The following NT5C2 variants were observed in gnomAD, a reference collection of about 807,000 sequenced individuals.
The protein encoded by NT5C2 is 5'-nucleotidase, cytosolic II.
Under a neutral mutation model 76.1 loss-of-function variants are expected in NT5C2, and 58 were observed. The observed-to-expected ratio is 0.76, with a 90% confidence interval of 0.62 to 0.95. NT5C2 has a LOEUF of 0.95. Ranked by LOEUF, NT5C2 falls within the 40% of genes least tolerant of loss-of-function variation. The pLI is 0.00. For missense variants in NT5C2, 478 were observed against 690.3 expected, an observed-to-expected ratio of 0.69 and a Z score of 3.45; for synonymous variants, 229 against 237.4, an observed-to-expected ratio of 0.96 and a Z score of 0.32.
At chr10:103,189,655 T>A (rs528627596) in intron 1 of NT5C2, among the ~76,000 whole-genome samples, 3 of 151,892 alleles carry the variant, frequency 2.0e-5, no homozygotes, top group Non-Finnish European at 4.4e-5. Flanking sequence ...ATAATTTTTT[T>A]AACTTTTTTC....
chr10:103,110,095 C>T (rs2072553957), intron 4 of NT5C2, among the ~76,000 whole-genome samples: 2 of 152,198 alleles, frequency 1.3e-5, no homozygotes, highest in Non-Finnish European at 2.9e-5. Flanking sequence ...ATAGCAAGTA[C>T]AAACATCAGC....
chr10:103,142,268 G>A (rs1297481430), intron 3 of NT5C2, among the ~76,000 whole-genome samples: 1 of 152,146 alleles, frequency 6.6e-6, no homozygotes, highest in Admixed American at 6.5e-5. Flanking sequence ...AAATATCAGA[G>A]TTTAAGGAAA....
chr10:103,144,551 G>T (rs1171001528), intron 3 of NT5C2, among the ~76,000 whole-genome samples: 1 of 152,110 alleles, frequency 6.6e-6, no homozygotes, highest in Non-Finnish European at 1.5e-5. Flanking sequence ...TATTTTTAAG[G>T]ATTCAAAGAT....
chr10:103,137,096 A>G (rs2079440538), intron 4 of NT5C2, among the ~76,000 whole-genome samples: 1 of 152,228 alleles, frequency 6.6e-6, no homozygotes, highest in Non-Finnish European at 1.5e-5. Context: ...TAACCAAGGG[A>G]AAAATATTTG....
intron 3 of NT5C2, among the ~76,000 whole-genome samples, chr10:103,166,744 C>A (rs2086502387): frequency 6.6e-6 from 1 of 152,004 alleles, no homozygotes; most frequent in Admixed American, 6.6e-5. Flanking sequence ...CCTCAAACTC[C>A]CAAGTTCAAG....
chr10:103,089,993 T>C (rs1256487208), intron 18 of NT5C2, 85 bp from the exon 19 acceptor site: 4 of 1,076,362 alleles, frequency 3.7e-6, no homozygotes, highest in Non-Finnish European at 5.3e-6. Context: ...CTCTGTTAGG[T>C]GGCCATGCAA....
chr10:103,134,383 C>A (rs1013582264), intron 4 of NT5C2, among the ~76,000 whole-genome samples: 1 of 152,182 alleles, frequency 6.6e-6, no homozygotes, highest in Non-Finnish European at 1.5e-5. Context: ...TGAAAGGGGC[C>A]AATATAGAGC....
intron 1 of NT5C2, among the ~76,000 whole-genome samples, chr10:103,186,694 C>T (rs1291665711): frequency 6.6e-6 from 1 of 151,354 alleles, no homozygotes; most frequent in Non-Finnish European, 1.5e-5. Flanking sequence ...GCGGGCGGAT[C>T]ACAAGGTACA....
chr10:103,187,779 A>C (rs2092218961), intron 1 of NT5C2, among the ~76,000 whole-genome samples: 1 of 152,218 alleles, frequency 6.6e-6, no homozygotes, highest in African/African-American at 2.4e-5. Context: ...ACTAGATTCT[A>C]ATATGACTGC....
At chr10:103,134,853 C>G (rs973715834) in intron 4 of NT5C2, among the ~76,000 whole-genome samples, 1 of 152,226 alleles carries the variant, frequency 6.6e-6, no homozygotes, top group African/African-American at 2.4e-5. Context: ...ATCAGCAAGA[C>G]CTGGATGTGA....
rs2066240682 is a variant in NT5C2, at chr10:103,089,870, A to G, written c.1488T>C (p.Asp496=). 3 of 1,613,638 alleles carry G rather than the reference A, an allele frequency of 1.9e-6. No individual in the cohort carries two copies. Among genetic ancestry groups the G allele is most frequent in the Non-Finnish European group, 2.5e-6 (3 of 1,179,752 alleles). ...HESTVEHTHV[D]INEMESPLAT... ...CAAGAGGAGACTCCATCTCATTGATATCTACGTGTGTGTGCTCCACCGTTG... is the reference window on the plus strand; with the variant it reads ...CAAGAGGAGACTCCATCTCATTGATGTCTACGTGTGTGTGCTCCACCGTTG... Residue 496 remains aspartate, a synonymous_variant, in exon 19 of 19, where the codon GAT becomes GAC. Transcript: ENST00000404739.
In NT5C2 at chr10:103,088,919, G is replaced by C; in HGVS notation, c.*753C>G. ...GGCAGTTCTTCCCTTTCTTTTCTGG[G>C]GGCTTGTTCCTTTGTCCACTTGCAG... On this transcript the variant is annotated 3_prime_UTR_variant, in exon 19 of 19. Transcript: ENST00000404739. 4.7e-6 allele frequency: 1 copy of C among 212,710 alleles called. No homozygotes were observed. The highest frequency in any genetic ancestry group is 9.5e-6 in the Non-Finnish European group (1 of 105,138). The allele number at this position is 212,710 out of a possible 1,614,324, so 13.2% of individuals were successfully genotyped here. A position where few individuals can be genotyped will look rare whatever the true frequency, so the allele number is the denominator to read the frequency against.
intron 16 of NT5C2, 66 bp downstream of exon 16, chr10:103,091,498 G>T (rs556142701): frequency 1.6e-6 from 2 of 1,264,218 alleles, no homozygotes; most frequent in South Asian, 2.5e-5. Context: ...GGCCTGGAAA[G>T]AACATTTCTT....
chr10:103,137,906 A>C (rs112736143), intron 4 of NT5C2, among the ~76,000 whole-genome samples: 341 of 152,332 alleles, frequency 2.2e-3, no homozygotes, highest in African/African-American at 7.7e-3. Context: ...ATAATGAAAA[A>C]AGCTAATGGC....
chr10:103,167,673 C>T (rs2086759889), intron 3 of NT5C2, among the ~76,000 whole-genome samples: 1 of 152,002 alleles, frequency 6.6e-6, no homozygotes, highest in African/African-American at 2.4e-5. Context: ...ACTCTGTCAC[C>T]TAGGCTGAAG....
chr10:103,183,291 A>ATATATATATTATATATATATATATC (rs1554841794), intron 1 of NT5C2, among the ~76,000 whole-genome samples: 3,223 of 128,080 alleles, frequency 0.025, 77 homozygotes, highest in East Asian at 0.046. Flanking sequence ...ATATATATAT[A>ATATATATATTATATATATATATATC]TATCACACAC....
intron 4 of NT5C2, among the ~76,000 whole-genome samples, chr10:103,131,948 A>T (rs1727871821): frequency 1.3e-5 from 2 of 151,992 alleles, no homozygotes; most frequent in South Asian, 4.2e-4. Context: ...ATTATTTTTT[A>T]AAAAAGTATT....
chr10:103,184,055 C>G, intron 1 of NT5C2, among the ~76,000 whole-genome samples: 1 of 151,118 alleles, frequency 6.6e-6, no homozygotes, highest in East Asian at 1.9e-4. Flanking sequence ...CAGATTCAAG[C>G]GATTCTCCTG....
Position 103,107,034 on chromosome 10 carries a change from A to G in NT5C2, c.176-328T>C, listed in dbSNP as rs7071103. 7.2e-4 allele frequency among the ~76,000 whole-genome samples: 110 copies of G among 152,342 alleles called. 1 individual carries two copies. Among genetic ancestry groups the G allele is most frequent in the African/African-American group, 2.6e-3 (106 of 41,568 alleles). On this transcript the variant is annotated intron_variant, in intron 4 of 18. Transcript: ENST00000404739. ...TCATTCCCACAGTTTAAAAAAATGAATATGCATAGCTGTGATATTAATCGT... is the reference window on the plus strand; with the variant it reads ...TCATTCCCACAGTTTAAAAAAATGAGTATGCATAGCTGTGATATTAATCGT...
Sources: allele counts gnomAD v4.1 joint callset (sites outside exome capture counted in the v4.1 genomes callset), GRCh38; gene constraint gnomAD v4.1.1; transcripts MANE v1.5; gene names NCBI Gene and HGNC (gene_info 2026-07-23, HGNC 2026-07-21).